PTPRA: variants seen among roughly 807,000 people sequenced by gnomAD.
The protein encoded by PTPRA is receptor-type tyrosine-protein phosphatase alpha.
A neutral mutation model predicts 104.8 loss-of-function variants in PTPRA; 25 were observed. The observed-to-expected ratio is 0.24, with a 90% CI of 0.17 to 0.33. The LOEUF is 0.33. Among genes scored for constraint, PTPRA ranks in the 10% least tolerant of loss-of-function variants. PTPRA has a pLI of 1.00. For synonymous variants in PTPRA, 323 were observed against 368.9 expected (o/e 0.88, Z 1.43); for missense variants, 765 against 1,015.3 (o/e 0.75, Z 3.35).
the PTPRA span, among the ~76,000 whole-genome samples, chr20:2,868,300 G>C: frequency 3.5e-5 from 5 of 144,378 alleles, no homozygotes; most frequent in East Asian, 8.4e-4. Context: ...AGGGGAAATA[G>C]ACTCCACCTC....
intron 1 of PTPRA, among the ~76,000 whole-genome samples, chr20:2,901,906 TAC>T (rs2059251847): frequency 6.6e-6 from 1 of 151,452 alleles, no homozygotes; most frequent in Non-Finnish European, 1.5e-5. Flanking sequence ...TTTTTTTGGA[TAC>T]AGAGTCTCGC....
chr20:3,030,810 C>T (rs751308227), intron 20 of PTPRA, among the ~76,000 whole-genome samples: 2 of 151,492 alleles, frequency 1.3e-5, no homozygotes, highest in South Asian at 2.1e-4. Context: ...CTCAGCCTCC[C>T]GAGTAGCTGG....
intron 11 of PTPRA, among the ~76,000 whole-genome samples, chr20:3,012,795 T>TC (rs2064236489): frequency 6.6e-6 from 1 of 152,218 alleles, no homozygotes; most frequent in Non-Finnish European, 1.5e-5. Context: ...ACCCTTTTTT[T>TC]CCCCTAACAT....
At chr20:2,930,578 A>G (rs927502206) in intron 2 of PTPRA, among the ~76,000 whole-genome samples, 4 of 152,112 alleles carry the variant, frequency 2.6e-5, no homozygotes, top group Non-Finnish European at 5.9e-5. Context: ...CTTGGGGGGA[A>G]TCTGTCCCAT....
chr20:3,026,616 A>C, intron 17 of PTPRA, 71 bp from the exon 18 acceptor site: 1 of 1,248,982 alleles, frequency 8.0e-7, no homozygotes, highest in Non-Finnish European at 1.2e-6. Flanking sequence ...GTGCAGGCCA[A>C]GGGACAGGCA....
At chr20:2,980,840 T>C (rs1256885815) in intron 6 of PTPRA, among the ~76,000 whole-genome samples, 2 of 152,224 alleles carry the variant, frequency 1.3e-5, no homozygotes, top group Non-Finnish European at 2.9e-5. Flanking sequence ...CCCTGGACCA[T>C]TGAGTGGCTT....
intron 3 of PTPRA, among the ~76,000 whole-genome samples, chr20:2,956,093 C>T (rs865888564): frequency 1.3e-5 from 2 of 152,224 alleles, no homozygotes; most frequent in South Asian, 2.1e-4. Context: ...AAATCCTCTT[C>T]TCAGTCTCCT....
At chr20:2,949,909 T>G (rs1239148291) in intron 3 of PTPRA, among the ~76,000 whole-genome samples, 1 of 152,172 alleles carries the variant, frequency 6.6e-6, no homozygotes, top group Non-Finnish European at 1.5e-5. Flanking sequence ...AAAATATCCT[T>G]GTATATCTTG....
chr20:3,007,785 A>G (rs556626068), intron 11 of PTPRA, among the ~76,000 whole-genome samples: 25 of 150,350 alleles, frequency 1.7e-4, no homozygotes, highest in African/African-American at 5.2e-4. Flanking sequence ...GACACCAGCT[A>G]TATTATATAT....
chr20:2,939,966 C>T lies in PTPRA; in HGVS notation c.-49-8016C>T, dbSNP rs977436600. ...TACTAAAAATACAAAAAAAATTAGC[C>T]GGGCATGGTGGGGGACGCCTGTAAT... On this transcript the variant is annotated intron_variant, in intron 2 of 23. Coordinates refer to ENST00000399903, the MANE Select transcript of PTPRA (RefSeq NM_001385305.1). Among the ~76,000 whole-genome samples, 11 of 152,248 alleles carry T rather than the reference C, an allele frequency of 7.2e-5. No homozygotes were observed. The East Asian group carries it at 1.2e-3, about 16-fold the overall frequency.
chr20:2,948,655 A>G (rs911474885), intron 3 of PTPRA, among the ~76,000 whole-genome samples: 1 of 152,072 alleles, frequency 6.6e-6, no homozygotes. Context: ...TATTATTCTT[A>G]ATACTTTAAA....
At chr20:2,955,758 A>T in intron 3 of PTPRA, 1 of 807,370 alleles carries the variant, frequency 1.2e-6, no homozygotes, top group Non-Finnish European at 1.5e-6. Context: ...TGTTTCTCAG[A>T]TGTCTGCTGC....
At chr20:2,997,629 T>C (rs1047427793) in intron 9 of PTPRA, among the ~76,000 whole-genome samples, 4 of 152,234 alleles carry the variant, frequency 2.6e-5, no homozygotes, top group Middle Eastern at 3.2e-3. Context: ...TTTCCGTGAA[T>C]GCCCACCTGA....
In PTPRA at chr20:2,989,016, G is replaced by A. The variant is rs2063026983; in HGVS notation, c.738+542G>A. On this transcript the variant is annotated intron_variant, in intron 9 of 23. Coordinates refer to ENST00000399903, the MANE Select transcript of PTPRA (RefSeq NM_001385305.1). ...AGTGTGGGAAATGACGACCATGGGAGACTGCAGAGCACAGGTCTCATCTTG... is the reference window on the plus strand; with the variant it reads ...AGTGTGGGAAATGACGACCATGGGAAACTGCAGAGCACAGGTCTCATCTTG... 2.0e-5 allele frequency among the ~76,000 whole-genome samples: 3 copies of A among 152,224 alleles called. No homozygotes were observed. In the South Asian group the frequency reaches 6.2e-4, roughly 31 times the overall value.
At chr20:2,995,455 CT>C (rs1196066503) in intron 9 of PTPRA, among the ~76,000 whole-genome samples, 2 of 152,114 alleles carry the variant, frequency 1.3e-5, no homozygotes, top group African/African-American at 4.8e-5. Flanking sequence ...GCATTTTACC[CT>C]CAGGTCATGT....
the PTPRA span, chr20:2,864,433 C>T: frequency 6.2e-7 from 1 of 1,614,184 alleles, no homozygotes; most frequent in South Asian, 1.1e-5. The surrounding 1 kb of genome is among the most constrained non-coding windows in gnomAD (Gnocchi z 5.2). Context: ...CCTTCGGAAT[C>T]AGCCCATGGC....
chr20:2,865,049 A>G, the PTPRA span: 1 of 1,614,182 alleles, frequency 6.2e-7, no homozygotes, highest in Non-Finnish European at 8.5e-7. This position sits in a 1 kb window ranked among gnomAD's most constrained non-coding sequence, Gnocchi z 5.2. Flanking sequence ...ATGAGTTTGC[A>G]GCCAAGGTTT....
chr20:2,917,817 G>A (rs1302482188), intron 1 of PTPRA, among the ~76,000 whole-genome samples: 3 of 151,838 alleles, frequency 2.0e-5, no homozygotes, highest in Non-Finnish European at 4.4e-5. Context: ...AAAAAAGTAA[G>A]ACTTTAGGGC....
At chr20:2,926,769 C>CTTTTTTTTTTTTTTTTTTTTTTTTTTCTT (rs777386962) in intron 2 of PTPRA, among the ~76,000 whole-genome samples, 5 of 85,020 alleles carry the variant, frequency 5.9e-5, no homozygotes, top group Admixed American at 1.6e-4. Flanking sequence ...TTTCCTTTTC[C>CTTTTTTTTTTTTTTTTTTTTTTTTTTCTT]TTTTTTTTTT....
Sources: gnomAD v4.1 joint callset for allele counts (sites outside exome capture counted in the v4.1 genomes callset) on GRCh38, gnomAD v4.1.1 for gene constraint, Gnocchi (gnomAD v3.1) non-coding constraint, MANE v1.5 for transcripts, NCBI Gene and HGNC (gene_info 2026-07-23, HGNC 2026-07-21) for gene names.